CTNNA1: variants seen among roughly 807,000 people sequenced by gnomAD.
The protein encoded by CTNNA1 is catenin alpha 1.
In CTNNA1, 37 loss-of-function variants were observed where a neutral mutation model predicts 98.4. That is an observed-to-expected ratio of 0.38 (90% confidence interval 0.29 to 0.49). The LOEUF (loss-of-function observed/expected upper bound fraction) is 0.49. CTNNA1 is among the 20% of genes least tolerant of loss of function. The probability of loss-of-function intolerance (pLI) is 0.95; values close to 1 mark genes in which losing one functional copy is unlikely to be tolerated. For missense variants in CTNNA1, 761 were observed against 1,147.2 expected, an observed-to-expected ratio of 0.66 and a Z score of 4.86; for synonymous variants, 404 against 413.2, an observed-to-expected ratio of 0.98 and a Z score of 0.27.
intron 9 of CTNNA1, among the ~76,000 whole-genome samples, chr5:138,899,254 T>G (rs1440415297): frequency 6.6e-6 from 1 of 152,168 alleles, no homozygotes; most frequent in Non-Finnish European, 1.5e-5. Flanking sequence ...TTCCTGGAGT[T>G]TTATTGTGGG....
At chr5:138,913,710 C>G (rs1484989468) in intron 10 of CTNNA1, among the ~76,000 whole-genome samples, 1 of 152,020 alleles carries the variant, frequency 6.6e-6, no homozygotes, top group African/African-American at 2.4e-5. Flanking sequence ...ATTTCTTTGG[C>G]TAGAAAGTCC....
At chr5:138,914,616 G>A (rs577613915) in intron 10 of CTNNA1, among the ~76,000 whole-genome samples, 3 of 151,910 alleles carry the variant, frequency 2.0e-5, no homozygotes, top group South Asian at 4.2e-4. Flanking sequence ...GAGGAATAGC[G>A]GCACCAATCT....
intron 7 of CTNNA1, among the ~76,000 whole-genome samples, chr5:138,858,972 C>T (rs983797453): frequency 6.6e-6 from 1 of 152,172 alleles, no homozygotes; most frequent in Non-Finnish European, 1.5e-5. Context: ...TCTGATTGTT[C>T]GTGAACTTTC....
In CTNNA1 at chr5:138,847,688, A is replaced by G. The variant is rs1762851103; in HGVS notation, c.1062+19970A>G. On this transcript the variant is annotated intron_variant, in intron 7 of 17. Coordinates refer to ENST00000302763, the MANE Select transcript of CTNNA1 (RefSeq NM_001903.5). ...CAGTGTGGGCAGTTGCTTGTGGGGC[A>G]TATTTTGGGGGAGGGGCATTTCTCT... Among the ~76,000 whole-genome samples, 4 of 152,040 alleles carry G rather than the reference A, an allele frequency of 2.6e-5. No homozygotes were observed. The South Asian group carries it at 8.3e-4, about 32-fold the overall frequency.
chr5:138,780,346 C>G (rs825768), intron 1 of CTNNA1, among the ~76,000 whole-genome samples: 97,595 of 150,364 alleles, frequency 0.65, 32,325 homozygotes, highest in East Asian at 0.89. Flanking sequence ...CCCGCCACTG[C>G]GCCTGGCTAA....
intron 5 of CTNNA1, among the ~76,000 whole-genome samples, chr5:138,815,948 C>T (rs939010367): frequency 2.6e-5 from 4 of 152,168 alleles, no homozygotes; most frequent in Admixed American, 6.5e-5. Context: ...GTCCTAAGGG[C>T]CCAGCCTGAT....
intron 7 of CTNNA1, among the ~76,000 whole-genome samples, chr5:138,858,888 T>TG (rs1763995769): frequency 6.6e-6 from 1 of 152,226 alleles, no homozygotes; most frequent in African/African-American, 2.4e-5. Context: ...CGTGAGCCAC[T>TG]GGGCCCAGCC....
chr5:138,786,411 G>A (rs905185974), intron 3 of CTNNA1, among the ~76,000 whole-genome samples: 4 of 152,060 alleles, frequency 2.6e-5, no homozygotes, highest in Admixed American at 1.3e-4. Flanking sequence ...TGGCTATGTC[G>A]TTGAAGCCAT....
chr5:138,795,751 C>CT lies in CTNNA1; in HGVS notation c.301+12389dup, dbSNP rs796241912. On this transcript the variant is annotated intron_variant, in intron 3 of 17. Transcript: ENST00000302763. Reference sequence around the variant, plus strand: ...GCCTGTGATGTTGGTTACTTTCTCTCTTTTTTTTTTCTTCCTCTAGTTCTA... The same window carrying CT: ...GCCTGTGATGTTGGTTACTTTCTCTCTTTTTTTTTTTCTTCCTCTAGTTCTA... Among the ~76,000 whole-genome samples, 488 of 149,038 alleles carry CT rather than the reference C, an allele frequency of 3.3e-3. 3 individuals carry two copies. The highest frequency in any genetic ancestry group is 0.01 in the African/African-American group (412 of 40,648).
chr5:138,928,181 GCTGAGCGCCAACCCCAGCTGTT>G (rs1764534501), intron 13 of CTNNA1, among the ~76,000 whole-genome samples: 1 of 152,204 alleles, frequency 6.6e-6, no homozygotes, highest in Non-Finnish European at 1.5e-5. Context: ...AGCCGGCTGG[GCTGAGCGCCAACCCCAGCTGTT>G]CTGCCTGCTG....
At chr5:138,836,003 A>C (rs1021938861) in intron 7 of CTNNA1, among the ~76,000 whole-genome samples, 2 of 152,128 alleles carry the variant, frequency 1.3e-5, no homozygotes, top group Non-Finnish European at 1.5e-5. Flanking sequence ...GGCTTGTGTT[A>C]CTAAGCCTAG....
At chr5:138,794,166 C>T (rs985951289) in intron 3 of CTNNA1, among the ~76,000 whole-genome samples, 2 of 151,912 alleles carry the variant, frequency 1.3e-5, no homozygotes, top group African/African-American at 2.4e-5. Flanking sequence ...TGCCAGCACC[C>T]GCCACCATGC....
At chr5:138,794,963 A>C (rs891686507) in intron 3 of CTNNA1, among the ~76,000 whole-genome samples, 1 of 151,948 alleles carries the variant, frequency 6.6e-6, no homozygotes, top group Admixed American at 6.6e-5. Context: ...CAGCCTGACC[A>C]ACATGGTGAA....
intron 5 of CTNNA1, 62 bp downstream of exon 5, chr5:138,812,364 C>CA: frequency 6.4e-7 from 1 of 1,551,330 alleles, no homozygotes; most frequent in South Asian, 1.2e-5. Flanking sequence ...GGGAAAAACT[C>CA]ATTCTGTGTG....
At position 138,922,209 on chromosome 5, in the gene CTNNA1, T is replaced by C. The variant is rs188537545; in HGVS notation, c.1547-2301T>C. On this transcript the variant is annotated intron_variant, in intron 11 of 17. Transcript: ENST00000302763. ...ATACTTCTACTTTAAACATATATGC[T>C]TTTTAACTCGTGATCTAACTGCTAG... Among the ~76,000 whole-genome samples, 306 of 152,296 alleles carry C rather than the reference T, an allele frequency of 2.0e-3. 1 individual carries two copies. The highest frequency in any genetic ancestry group is 2.0e-3 in the Non-Finnish European group (135 of 68,022).
At chr5:138,884,906 A>G (rs1328667180) in intron 7 of CTNNA1, among the ~76,000 whole-genome samples, 1 of 152,146 alleles carries the variant, frequency 6.6e-6, no homozygotes, top group Non-Finnish European at 1.5e-5. Flanking sequence ...TCTCCTCCCC[A>G]TCAGTATTAA....
intron 7 of CTNNA1, among the ~76,000 whole-genome samples, chr5:138,864,637 C>T (rs1436760533): frequency 6.6e-6 from 1 of 152,116 alleles, no homozygotes; most frequent in Non-Finnish European, 1.5e-5. Flanking sequence ...AGCCTATGCA[C>T]AGGAATGAAC....
chr5:138,819,858 C>CGG (rs763522743), intron 5 of CTNNA1, among the ~76,000 whole-genome samples: 1 of 7,944 alleles, frequency 1.3e-4, no homozygotes. Flanking sequence ...TGGCGGGGGG[C>CGG]GGGGGGGTGA....
chr5:138,837,344 C>T (rs968496870), intron 7 of CTNNA1, among the ~76,000 whole-genome samples: 9 of 152,136 alleles, frequency 5.9e-5, no homozygotes, highest in Non-Finnish European at 1.3e-4. Flanking sequence ...CAGGTCAAGT[C>T]TAGCCTGCCA....
Sources: allele counts gnomAD v4.1 joint callset (sites outside exome capture counted in the v4.1 genomes callset), GRCh38; gene constraint gnomAD v4.1.1; transcripts MANE v1.5; gene names NCBI Gene and HGNC (gene_info 2026-07-23, HGNC 2026-07-21).